The following RGPD4 variants were observed in gnomAD, a reference collection of about 807,000 sequenced individuals.
RGPD4 encodes the protein RANBP2 like and GRIP domain containing 4, also known as ranBP2-like and GRIP domain-containing protein 4.
A neutral mutation model predicts 141.1 loss-of-function variants in RGPD4; 84 were observed. The ratio of observed to expected loss-of-function variants is 0.60; its 90% confidence interval spans 0.50 to 0.71. RGPD4 has a LOEUF of 0.71. Among genes scored for constraint, RGPD4 ranks in the 30% least tolerant of loss-of-function variants. The pLI is 0.00. For missense variants in RGPD4, 918 were observed against 1,622.4 expected (o/e 0.57, Z 7.46); for synonymous variants, 298 against 566.8 (o/e 0.53, Z 6.74).
chr2:107,827,563 C>T (rs1365336131), intron 1 of RGPD4, among the ~76,000 whole-genome samples: 1 of 52,432 alleles, frequency 1.9e-5, no homozygotes, highest in Admixed American at 1.4e-4. Flanking sequence ...GCGCTGCTCC[C>T]TGGCGCGCTC....
At position 107,834,381 on chromosome 2, in the gene RGPD4, T is replaced by A. The variant is rs1387674886; in HGVS notation, c.73-2221T>A. 2.0e-5 allele frequency among the ~76,000 whole-genome samples: 3 copies of A among 151,268 alleles called. No individual in the cohort carries two copies. In the East Asian group the frequency reaches 5.8e-4, roughly 29 times the overall value. Reference sequence around the variant, plus strand: ...TCACCCGTGGTCCAAAAATATTGAATGGAAGATTATATAAATAAACATTTC... The same window carrying A: ...TCACCCGTGGTCCAAAAATATTGAAAGGAAGATTATATAAATAAACATTTC... On this transcript the variant is annotated intron_variant, in intron 1 of 22. Coordinates refer to ENST00000408999, the MANE Select transcript of RGPD4 (RefSeq NM_182588.3).
At position 107,891,281 on chromosome 2, in the gene RGPD4, C is replaced by T. The variant is rs1205190020; in HGVS notation, c.*550C>T. On this transcript the variant is annotated 3_prime_UTR_variant, in exon 23 of 23. Transcript: ENST00000408999. ...GTGATTGTACCACTGCACTCCAGCTCGGGGAACAGAGCGAGACCTTGTCTC... is the reference window on the plus strand; with the variant it reads ...GTGATTGTACCACTGCACTCCAGCTTGGGGAACAGAGCGAGACCTTGTCTC... Among the ~76,000 whole-genome samples the T allele has an allele frequency of 7.5e-6, 1 of 133,020 alleles. No homozygotes were observed. Among genetic ancestry groups the T allele is most frequent in the Non-Finnish European group, 1.6e-5 (1 of 62,574 alleles). 87.3% of individuals were successfully genotyped at this position (133,020 alleles called of 152,430 possible). A position where few individuals can be genotyped will look rare whatever the true frequency, so the allele number is the denominator to read the frequency against.
intron 20 of RGPD4, 123 bp from the exon 21 acceptor site, chr2:107,879,845 G>T: frequency 7.9e-7 from 1 of 1,258,624 alleles, no homozygotes. Context: ...TAGATGAATG[G>T]CAAAGAAAGC....
intron 1 of RGPD4, among the ~76,000 whole-genome samples, chr2:107,834,272 A>C (rs1447852041): frequency 6.7e-6 from 1 of 149,012 alleles, no homozygotes; most frequent in Non-Finnish European, 1.5e-5. Flanking sequence ...TTGCTTTCTT[A>C]ATTTCCTTTT....
intron 1 of RGPD4, among the ~76,000 whole-genome samples, chr2:107,830,458 G>A (rs2581031): frequency 1.6e-4 from 25 of 152,030 alleles, no homozygotes; most frequent in Middle Eastern, 3.4e-3. Flanking sequence ...TCTTTCAACT[G>A]CATAACTTCT....
At chr2:107,885,026 A>C (rs940774528) in intron 22 of RGPD4, among the ~76,000 whole-genome samples, 3 of 152,178 alleles carry the variant, frequency 2.0e-5, no homozygotes, top group Admixed American at 6.5e-5. Flanking sequence ...TGTTCTCAAT[A>C]CTGACAGTAA....
intron 22 of RGPD4, among the ~76,000 whole-genome samples, chr2:107,883,413 C>T (rs1400104128): frequency 3.3e-5 from 5 of 151,398 alleles, no homozygotes; most frequent in African/African-American, 4.9e-5. Context: ...AGGCGGATCA[C>T]AAGATCAAGA....
Position 107,871,111 on chromosome 2 carries a change from T to A in RGPD4, c.3107T>A (p.Ile1036Asn), listed in dbSNP as rs774722532. 7.8e-5 allele frequency: 125 copies of A among 1,610,954 alleles called. 1 individual carries two copies. The highest frequency in any genetic ancestry group is 7.4e-4 in the East Asian group (33 of 44,840). ...DAYKTEDSDD[I>N]HFEPVVQMPE... ...TATAAGACTGAGGACAGCGATGACA[T>A]CCATTTTGAACCAGTAGTTCAAATG... is the stretch of plus-strand genomic sequence containing the variant. The change falls in exon 20 of 23, where the codon ATC (isoleucine) becomes AAC (asparagine). Residue 1036 changes from isoleucine to asparagine, a missense_variant. Physicochemically the swap from Ile to Asn is moderately radical, Grantham distance 149. Coordinates refer to ENST00000408999, the MANE Select transcript of RGPD4 (RefSeq NM_182588.3).
At chr2:107,851,953 G>A (rs1186569052) in intron 7 of RGPD4, among the ~76,000 whole-genome samples, 2 of 151,820 alleles carry the variant, frequency 1.3e-5, no homozygotes, top group Non-Finnish European at 2.9e-5. Context: ...GTTAAGATGA[G>A]GAAATAGCTA....
intron 9 of RGPD4, among the ~76,000 whole-genome samples, chr2:107,858,686 C>A (rs2104456730): frequency 6.8e-6 from 1 of 147,832 alleles, no homozygotes; most frequent in South Asian, 2.2e-4. Flanking sequence ...ATAACCTTTT[C>A]AATATTGACT....
In RGPD4 at chr2:107,831,572, CTTTTTTT is replaced by C. The variant is rs1166609493; in HGVS notation, c.72+4502_72+4508del. On this transcript the variant is annotated intron_variant, in intron 1 of 22. Coordinates refer to ENST00000408999, the MANE Select transcript of RGPD4 (RefSeq NM_182588.3). ...TAGACATTTTCTTTTCTTTTCTTTT[CTTTTTTT>C]TTTTTTTTTTTTTTGAGACGGAGTC... is the stretch of plus-strand genomic sequence containing the variant. 3.7e-5 allele frequency among the ~76,000 whole-genome samples: 4 copies of C among 108,808 alleles called. 1 individual carries two copies. The highest frequency in any genetic ancestry group is 5.5e-4 in the South Asian group (2 of 3,652). 71.4% of individuals were successfully genotyped at this position (108,808 alleles called of 152,430 possible). A position where few individuals can be genotyped will look rare whatever the true frequency, so the allele number is the denominator to read the frequency against.
intron 21 of RGPD4, among the ~76,000 whole-genome samples, chr2:107,882,182 C>T (rs1647737928): frequency 6.6e-6 from 1 of 151,904 alleles, no homozygotes; most frequent in African/African-American, 2.4e-5. Context: ...AGTATTTACA[C>T]AGGATGCATC....
intron 1 of RGPD4, among the ~76,000 whole-genome samples, chr2:107,835,479 C>A (rs1185360579): frequency 2.1e-5 from 3 of 141,300 alleles, no homozygotes; most frequent in East Asian, 4.3e-4. Flanking sequence ...CTTTTTGACT[C>A]CTTGACTGTA....
At chr2:107,888,593 C>T (rs1436555151) in intron 22 of RGPD4, among the ~76,000 whole-genome samples, 2 of 151,758 alleles carry the variant, frequency 1.3e-5, no homozygotes, top group Admixed American at 6.6e-5. Flanking sequence ...TTTGTATAAT[C>T]TCTTCCCCTT....
intron 20 of RGPD4, among the ~76,000 whole-genome samples, chr2:107,875,591 A>T (rs1424624452): frequency 6.8e-6 from 1 of 146,398 alleles, no homozygotes; most frequent in Non-Finnish European, 1.5e-5. Flanking sequence ...AACAGGTTGC[A>T]TATAGAAGTT....
chr2:107,858,441 T>TTC (rs1414948504), intron 9 of RGPD4, among the ~76,000 whole-genome samples: 3 of 151,124 alleles, frequency 2.0e-5, no homozygotes, highest in Non-Finnish European at 4.4e-5. Context: ...TTCTTTTCTT[T>TTC]TCTTTTCTTT....
At chr2:107,874,971 T>A (rs1282877971) in intron 20 of RGPD4, among the ~76,000 whole-genome samples, 1 of 135,410 alleles carries the variant, frequency 7.4e-6, no homozygotes, top group Non-Finnish European at 1.6e-5. Context: ...CAGAGCAGTG[T>A]CATCCAATAG....
At chr2:107,855,970 C>T (rs77650508) in intron 8 of RGPD4, among the ~76,000 whole-genome samples, 3 of 100,806 alleles carry the variant, frequency 3.0e-5, no homozygotes, top group East Asian at 5.5e-4. Flanking sequence ...TGTATCAGTA[C>T]TTTATCCGAG....
intron 1 of RGPD4, among the ~76,000 whole-genome samples, chr2:107,827,416 C>T (rs1160984609): frequency 1.9e-5 from 1 of 52,300 alleles, no homozygotes; most frequent in Non-Finnish European, 3.7e-5. Context: ...GGCCTCGACC[C>T]GGCCCGGCCG....
Sources: gnomAD v4.1 joint callset for allele counts (sites outside exome capture counted in the v4.1 genomes callset) on GRCh38, gnomAD v4.1.1 for gene constraint, MANE v1.5 for transcripts, NCBI Gene and HGNC (gene_info 2026-07-23, HGNC 2026-07-21) for gene names.